The following GABRA3 variants were observed in gnomAD, a reference collection of about 807,000 sequenced individuals.
The protein encoded by GABRA3 is gamma-aminobutyric acid receptor subunit alpha-3.
GABRA3 carries 10 observed loss-of-function variants against 30.1 expected under a neutral mutation model. The observed-to-expected ratio is 0.33, with a 90% CI of 0.20 to 0.56. GABRA3 has a LOEUF of 0.56. GABRA3 is among the 20% of genes least tolerant of loss of function. GABRA3 has a pLI of 0.89. For synonymous variants in GABRA3, 151 were observed against 146.8 expected, an observed-to-expected ratio of 1.03 and a Z score of -0.21; for missense variants, 233 against 392.0, an observed-to-expected ratio of 0.59 and a Z score of 3.42.
At chrX:152,175,835 C>A (rs112691638) in intron 9 of GABRA3, among the ~76,000 whole-genome samples, 1 of 110,483 alleles carries the variant, frequency 9.1e-6, no homozygotes, top group Non-Finnish European at 1.9e-5. Context: ...GAGGCCAAGG[C>A]GGGCAGATCA....
chrX:152,412,311 C>T (rs1364955126), intron 1 of GABRA3, among the ~76,000 whole-genome samples: 1 of 111,591 alleles, frequency 9.0e-6, no homozygotes, highest in African/African-American at 3.2e-5. Context: ...TCAGCAATTC[C>T]ACTCCTGGGT....
chrX:152,317,094 A>G (rs1274946020), intron 3 of GABRA3, among the ~76,000 whole-genome samples: 1 of 112,053 alleles, frequency 8.9e-6, no homozygotes, highest in Non-Finnish European at 1.9e-5. Context: ...CCAACCAAGT[A>G]TCTGCTGCCC....
chrX:152,331,051 TGACTGAGAA>T (rs1479931497), intron 3 of GABRA3, among the ~76,000 whole-genome samples: 2 of 109,890 alleles, frequency 1.8e-5, no homozygotes, highest in African/African-American at 6.6e-5. Flanking sequence ...TGAGGAATGT[TGACTGAGAA>T]GACAGTGATC....
At chrX:152,294,654 C>T (rs1461801299) in intron 3 of GABRA3, among the ~76,000 whole-genome samples, 1 of 111,540 alleles carries the variant, frequency 9.0e-6, no homozygotes, top group African/African-American at 3.3e-5. Flanking sequence ...CATTCTCCAT[C>T]CAGCTTTGTT....
At chrX:152,436,214 G>A (rs1244308496) in intron 1 of GABRA3, among the ~76,000 whole-genome samples, 1 of 111,902 alleles carries the variant, frequency 8.9e-6, no homozygotes, top group Non-Finnish European at 1.9e-5. Flanking sequence ...GATAGCCAAA[G>A]ACAGTTTTTA....
intron 1 of GABRA3, among the ~76,000 whole-genome samples, chrX:152,442,682 G>C (rs1180376768): frequency 9.0e-6 from 1 of 111,360 alleles, no homozygotes; most frequent in Non-Finnish European, 1.9e-5. Flanking sequence ...TTGTAACTAG[G>C]ACAGGAAGAG....
chrX:152,195,082 A>C (rs889644190), intron 8 of GABRA3, among the ~76,000 whole-genome samples: 2 of 112,219 alleles, frequency 1.8e-5, no homozygotes, highest in African/African-American at 6.5e-5. Flanking sequence ...TCTTTTTTAG[A>C]AGGATATATT....
chrX:152,429,639 T>G (rs1231468760), intron 1 of GABRA3, among the ~76,000 whole-genome samples: 1 of 111,859 alleles, frequency 8.9e-6, no homozygotes, highest in Admixed American at 9.5e-5. Context: ...CTAAAAATAG[T>G]TGTTTTGTCA....
intron 3 of GABRA3, among the ~76,000 whole-genome samples, chrX:152,315,963 G>A (rs911733228): frequency 1.2e-3 from 12 of 10,397 alleles, no homozygotes; most frequent in African/African-American, 5.4e-3. Context: ...TTTTAGGCCC[G>A]CCCCCCGACC....
intron 2 of GABRA3, among the ~76,000 whole-genome samples, chrX:152,362,660 G>T (rs1161143222): frequency 9.0e-6 from 1 of 111,675 alleles, no homozygotes; most frequent in Non-Finnish European, 1.9e-5. Flanking sequence ...CCAAGTGAGA[G>T]ACAACATCAG....
intron 1 of GABRA3, among the ~76,000 whole-genome samples, chrX:152,435,847 G>A (rs1930765711): frequency 9.0e-6 from 1 of 111,031 alleles, no homozygotes; most frequent in African/African-American, 3.3e-5. Context: ...AATATCAATA[G>A]ACAAAAATTA....
At chrX:152,357,446 C>T (rs976213827) in intron 2 of GABRA3, among the ~76,000 whole-genome samples, 1 of 111,702 alleles carries the variant, frequency 9.0e-6, no homozygotes, top group African/African-American at 3.2e-5. Context: ...AGTGTCTGTT[C>T]ATGTCTGTTG....
chrX:152,190,001 G>T, intron 8 of GABRA3, 60 bp from the exon 9 acceptor site: 1 of 812,499 alleles, frequency 1.2e-6, no homozygotes, highest in Non-Finnish European at 1.8e-6. Flanking sequence ...CTTATTCGAT[G>T]AAATCACTAA....
rs773135705 is a variant in GABRA3, at chrX:152,390,720, T to A, written c.-26-26124A>T. Among the ~76,000 whole-genome samples, 7 of 111,635 alleles carry A rather than the reference T, an allele frequency of 6.3e-5. No individual in the cohort carries two copies. The East Asian group carries it at 1.4e-3, about 22-fold the overall frequency. On this transcript the variant is annotated intron_variant, in intron 1 of 9. Coordinates refer to ENST00000370314, the MANE Select transcript of GABRA3 (RefSeq NM_000808.4). ...CCAGAACATAGGCTGCCAACCATGATAGAGAATGAAGAAAAAATTCTAGTA... is the reference window on the plus strand; with the variant it reads ...CCAGAACATAGGCTGCCAACCATGAAAGAGAATGAAGAAAAAATTCTAGTA...
At chrX:152,421,167 C>T (rs781572993) in intron 1 of GABRA3, among the ~76,000 whole-genome samples, 17 of 109,432 alleles carry the variant, frequency 1.6e-4, no homozygotes, top group Non-Finnish European at 2.7e-4. Context: ...ATATACCTTT[C>T]GTTATATAGG....
At chrX:152,401,266 GTA>G (rs747896105) in intron 1 of GABRA3, among the ~76,000 whole-genome samples, 132 of 97,268 alleles carry the variant, frequency 1.4e-3, no homozygotes, top group Middle Eastern at 0.011. Flanking sequence ...TTTAATGTGT[GTA>G]TATATATATA....
chrX:152,197,841 G>A lies in GABRA3; in HGVS notation c.779-56C>T, dbSNP rs868831778. The A allele has an allele frequency of 6.1e-5, 59 of 962,165 alleles. No individual in the cohort carries two copies. The African/African-American group carries it at 1.0e-3, about 17-fold the overall frequency. The allele number at this position is 962,165 out of a possible 1,213,427, so 79.3% of individuals were successfully genotyped here. A position where few individuals can be genotyped will look rare whatever the true frequency, so the allele number is the denominator to read the frequency against. On this transcript the variant is annotated intron_variant, in intron 7 of 9. Transcript: ENST00000370314. ...AGCTACATAAACATTGCTAAATCAA[G>A]TTGGGCCCCAATTCAATTCACAAAG...
intron 3 of GABRA3, among the ~76,000 whole-genome samples, chrX:152,314,945 A>C (rs1389516833): frequency 4.5e-5 from 5 of 111,458 alleles, no homozygotes; most frequent in African/African-American, 6.5e-5. Flanking sequence ...GTAATCAAAA[A>C]ATGTGTTGAA....
intron 1 of GABRA3, among the ~76,000 whole-genome samples, chrX:152,433,706 C>CA (rs199848886): frequency 0.019 from 1,133 of 58,395 alleles, 18 homozygotes; most frequent in African/African-American, 0.043. Flanking sequence ...GAAGGAAGAC[C>CA]AAAAAAAAAA....
Sources: gnomAD v4.1 joint callset for allele counts (sites outside exome capture counted in the v4.1 genomes callset) on GRCh38, gnomAD v4.1.1 for gene constraint, MANE v1.5 for transcripts, NCBI Gene and HGNC (gene_info 2026-07-23, HGNC 2026-07-21) for gene names.